Variants in ABL1 observed in about 807,000 individuals in gnomAD.
The protein encoded by ABL1 is tyrosine-protein kinase ABL1.
In ABL1, 11 loss-of-function variants were observed where a neutral mutation model predicts 94.7. The ratio of observed to expected loss-of-function variants is 0.12; its 90% CI spans 0.07 to 0.19. The LOEUF is 0.19. Among genes scored for constraint, ABL1 ranks in the 10% least tolerant of loss-of-function variants. The pLI is 1.00. For synonymous variants in ABL1, 656 were observed against 622.4 expected, an observed-to-expected ratio of 1.05 and a Z score of -0.80; for missense variants, 1,082 against 1,489.4, an observed-to-expected ratio of 0.73 and a Z score of 4.50.
intron 1 of ABL1, among the ~76,000 whole-genome samples, chr9:130,746,486 A>G (rs1290719580): frequency 6.7e-6 from 1 of 149,540 alleles, no homozygotes; most frequent in Non-Finnish European, 1.5e-5. Flanking sequence ...TCTCATCACT[A>G]TTGTTTTGTC....
At chr9:130,820,104 A>G (rs1335775032) in intron 1 of ABL1, among the ~76,000 whole-genome samples, 1 of 152,088 alleles carries the variant, frequency 6.6e-6, no homozygotes, top group African/African-American at 2.4e-5. Flanking sequence ...TATTTAATTG[A>G]TTGCTTCTCT....
rs1271393830 is a variant in ABL1, at chr9:130,880,634, A to G, written c.1648A>G (p.Met550Val). ...CAGAGACACCACTGACGTGCCTGAG[A>G]TGCCTCACTCCAAGGGCCAGGGAGA... ...EHRDTTDVPE[M>V]PHSKGQGESD... The change falls in exon 10 of 11, where the codon ATG (methionine) becomes GTG (valine). Residue 550 changes from methionine (M) to valine (V), a missense_variant. Transcript: ENST00000318560. This position sits in a 1 kb window ranked among gnomAD's most constrained non-coding sequence, Gnocchi z 4.4. 1 of 1,613,562 alleles carries G rather than the reference A, an allele frequency of 6.2e-7. No individual in the cohort carries two copies.
At chr9:130,876,733 C>CT (rs755840936) in intron 7 of ABL1, among the ~76,000 whole-genome samples, 20,686 of 83,074 alleles carry the variant, frequency 0.25, 3,441 homozygotes, top group Non-Finnish European at 0.32. Flanking sequence ...AAGTTGGTTT[C>CT]TTTTTTTTTT....
intron 1 of ABL1, among the ~76,000 whole-genome samples, chr9:130,788,297 C>T (rs189890779): frequency 4.6e-5 from 7 of 152,284 alleles, no homozygotes; most frequent in African/African-American, 7.2e-5. Flanking sequence ...CAATTTTTAA[C>T]GTATTGCTAC....
intron 1 of ABL1, among the ~76,000 whole-genome samples, chr9:130,771,234 G>A (rs1474746516): frequency 6.7e-6 from 1 of 149,266 alleles, no homozygotes; most frequent in African/African-American, 2.6e-5. Flanking sequence ...GTATGTATGT[G>A]TGTGTGTGTA....
chr9:130,768,572 T>C (rs1256762965), intron 1 of ABL1, among the ~76,000 whole-genome samples: 1 of 152,140 alleles, frequency 6.6e-6, no homozygotes. Context: ...GGATGTTGCT[T>C]GTTAGAGCCA....
intron 1 of ABL1, among the ~76,000 whole-genome samples, chr9:130,786,513 G>C (rs1004713246): frequency 6.6e-6 from 1 of 152,122 alleles, no homozygotes; most frequent in Admixed American, 6.5e-5. Context: ...TTTCCCTATT[G>C]AAATGACTGG....
upstream of ABL1, among the ~76,000 whole-genome samples, chr9:130,831,869 A>G (rs966307752): frequency 6.6e-6 from 1 of 152,056 alleles, no homozygotes; most frequent in African/African-American, 2.4e-5. Context: ...TAGCCTCCCA[A>G]AGTGCTGGGA....
chr9:130,714,867 A>G (rs919195584), intron 1 of ABL1, among the ~76,000 whole-genome samples: 4 of 152,202 alleles, frequency 2.6e-5, no homozygotes, highest in Non-Finnish European at 5.9e-5. Flanking sequence ...CTTTTATCAT[A>G]TTCTCAAAGT....
chr9:130,736,823 A>G (rs1399196518), intron 1 of ABL1, among the ~76,000 whole-genome samples: 1 of 152,150 alleles, frequency 6.6e-6, no homozygotes, highest in African/African-American at 2.4e-5. Context: ...TAGGGGAGAT[A>G]CATACTTATC....
In ABL1 at chr9:130,863,761, T is replaced by G. The variant is rs1468902317; in HGVS notation, c.822+726T>G. Among the ~76,000 whole-genome samples, 1 of 152,248 alleles carries G rather than the reference T, an allele frequency of 6.6e-6. No individual in the cohort carries two copies. Among genetic ancestry groups the G allele is most frequent in the Non-Finnish European group, 1.5e-5 (1 of 68,042 alleles). On this transcript the variant is annotated intron_variant, in intron 4 of 10. Coordinates refer to ENST00000318560, the MANE Select transcript of ABL1 (RefSeq NM_005157.6). The surrounding 1 kb of genome is among the most constrained non-coding windows in gnomAD (Gnocchi z 4.3). ...TCAGCCCTTTGCATTCTTCAAAATG[T>G]GATCCAGGCTTTTCCCTGTGGCGAG...
chr9:130,826,570 A>G (rs1830428357), intron 1 of ABL1, among the ~76,000 whole-genome samples: 1 of 152,228 alleles, frequency 6.6e-6, no homozygotes, highest in Non-Finnish European at 1.5e-5. Flanking sequence ...ACCTTGATTA[A>G]GAGTGAGCTG....
chr9:130,879,583 TAA>T (rs1277267192), intron 8 of ABL1, among the ~76,000 whole-genome samples: 1 of 152,186 alleles, frequency 6.6e-6, no homozygotes, highest in African/African-American at 2.4e-5. Flanking sequence ...ACCAAACTGT[TAA>T]AAAAGGTTGT....
intron 1 of ABL1, among the ~76,000 whole-genome samples, chr9:130,761,616 C>T (rs1012598797): frequency 2.0e-5 from 3 of 152,318 alleles, no homozygotes; most frequent in South Asian, 2.1e-4. Context: ...ATTTCTTTTC[C>T]GCATCACGCG....
At chr9:130,874,508 T>C (rs900619718) in intron 6 of ABL1, among the ~76,000 whole-genome samples, 3 of 152,234 alleles carry the variant, frequency 2.0e-5, no homozygotes, top group Admixed American at 6.5e-5. Context: ...TTCTCGACAC[T>C]TCAATCAAAG....
In ABL1 at chr9:130,863,859, A is replaced by G. The variant is rs1831114462; in HGVS notation, c.822+824A>G. 6.6e-6 allele frequency among the ~76,000 whole-genome samples: 1 copy of G among 152,232 alleles called. No individual in the cohort carries two copies. The highest frequency in any genetic ancestry group is 2.4e-5 in the African/African-American group (1 of 41,464). ...ACTTTGATTACCTTGACCTGTGCAC[A>G]GAAATCAAGAGAGGCAGCCCCTTTT... On this transcript the variant is annotated intron_variant, in intron 4 of 10. Coordinates refer to ENST00000318560, the MANE Select transcript of ABL1 (RefSeq NM_005157.6). This position sits in a 1 kb window ranked among gnomAD's most constrained non-coding sequence, Gnocchi z 4.3.
intron 1 of ABL1, among the ~76,000 whole-genome samples, chr9:130,823,155 G>T (rs1030891819): frequency 6.6e-6 from 1 of 152,102 alleles, no homozygotes; most frequent in Non-Finnish European, 1.5e-5. Flanking sequence ...CCTTACACCA[G>T]TGCAAGTTTA....
chr9:130,804,000 G>A (rs1830089827), intron 1 of ABL1, among the ~76,000 whole-genome samples: 1 of 151,882 alleles, frequency 6.6e-6, no homozygotes. Context: ...GTTTGAAGCT[G>A]CAGTGAGCTA....
intron 1 of ABL1, among the ~76,000 whole-genome samples, chr9:130,803,413 A>G (rs1830083016): frequency 6.6e-6 from 1 of 152,210 alleles, no homozygotes; most frequent in African/African-American, 2.4e-5. Context: ...GACTTTTTCT[A>G]TGCATGTTTC....
Sources: gnomAD v4.1 joint callset for allele counts (sites outside exome capture counted in the v4.1 genomes callset) on GRCh38, gnomAD v4.1.1 for gene constraint, Gnocchi (gnomAD v3.1) non-coding constraint, MANE v1.5 for transcripts, NCBI Gene and HGNC (gene_info 2026-07-23, HGNC 2026-07-21) for gene names.